Variants in NLGN1 observed in about 807,000 individuals in gnomAD.
NLGN1 encodes neuroligin 1, also known as neuroligin-1.
A neutral mutation model predicts 65.5 loss-of-function variants in NLGN1; 12 were observed. The ratio of observed to expected loss-of-function variants is 0.18; its 90% confidence interval spans 0.12 to 0.30. The LOEUF (loss-of-function observed/expected upper bound fraction) is 0.30, where lower values mean the gene tolerates loss of function less well. Among genes scored for constraint, NLGN1 ranks in the 10% least tolerant of loss-of-function variants. The pLI is 1.00. For synonymous variants in NLGN1, 350 were observed against 359.5 expected (o/e 0.97, Z 0.30); for missense variants, 750 against 1,007.1 (o/e 0.74, Z 3.46).
At chr3:174,260,080 A>G (rs1432833417) in intron 4 of NLGN1, among the ~76,000 whole-genome samples, 1 of 151,888 alleles carries the variant, frequency 6.6e-6, no homozygotes, top group Non-Finnish European at 1.5e-5. Flanking sequence ...AATCCAGTCT[A>G]TCATTGTTGG....
chr3:173,620,960 A>G lies in NLGN1; in HGVS notation c.493+15869A>G, dbSNP rs542533583. On this transcript the variant is annotated intron_variant, in intron 3 of 6. Transcript: ENST00000457714. ...TGTATAAATGACTAGACAAATGAAC[A>G]TAAGTTTTCAGAACACTGGTAAGTC... 3.9e-5 allele frequency among the ~76,000 whole-genome samples: 6 copies of G among 152,314 alleles called. No individual in the cohort carries two copies. The East Asian group carries it at 7.7e-4, about 20-fold the overall frequency.
intron 4 of NLGN1, among the ~76,000 whole-genome samples, chr3:174,170,500 C>T: frequency 6.6e-6 from 1 of 152,152 alleles, no homozygotes; most frequent in Non-Finnish European, 1.5e-5. Context: ...AAAGAAAGTA[C>T]TTCAAACAGT....
chr3:173,605,741 G>A (rs1368481388), intron 3 of NLGN1, 148 bp downstream of exon 3: 2 of 389,116 alleles, frequency 5.1e-6, no homozygotes, highest in Non-Finnish European at 9.9e-6. Context: ...GAATATAAAG[G>A]TGTTTAAGGA....
chr3:173,415,018 G>A (rs1713388298), intron 1 of NLGN1, among the ~76,000 whole-genome samples: 1 of 152,236 alleles, frequency 6.6e-6, no homozygotes, highest in Non-Finnish European at 1.5e-5. Context: ...GGGCTATCAA[G>A]GAGGCAACTG....
chr3:173,497,822 A>G (rs556980711), intron 2 of NLGN1, among the ~76,000 whole-genome samples: 6 of 152,052 alleles, frequency 3.9e-5, no homozygotes, highest in African/African-American at 9.7e-5. Flanking sequence ...AATTATCTTT[A>G]TTGACTATGA....
At chr3:174,111,137 A>G (rs939918360) in intron 4 of NLGN1, among the ~76,000 whole-genome samples, 8 of 151,968 alleles carry the variant, frequency 5.3e-5, no homozygotes. Flanking sequence ...TTTCATAACT[A>G]TTAGATTTTA....
At chr3:173,735,987 T>A (rs1293612403) in intron 3 of NLGN1, among the ~76,000 whole-genome samples, 1 of 152,104 alleles carries the variant, frequency 6.6e-6, no homozygotes, top group Non-Finnish European at 1.5e-5. Flanking sequence ...TTTTGGTTTT[T>A]GGAGTAGCTC....
intron 4 of NLGN1, among the ~76,000 whole-genome samples, chr3:173,998,085 C>T (rs1046791174): frequency 1.3e-5 from 2 of 152,146 alleles, no homozygotes; most frequent in African/African-American, 4.8e-5. Flanking sequence ...TCCTGGCAGG[C>T]CCTCTTGTTC....
chr3:174,025,394 A>G (rs1728640720), intron 4 of NLGN1, among the ~76,000 whole-genome samples: 1 of 152,176 alleles, frequency 6.6e-6, no homozygotes, highest in Admixed American at 6.6e-5. Flanking sequence ...AAAATATTCT[A>G]TTCAATTAAG....
intron 4 of NLGN1, among the ~76,000 whole-genome samples, chr3:174,143,981 T>C (rs986042519): frequency 5.3e-5 from 8 of 152,172 alleles, no homozygotes; most frequent in African/African-American, 9.7e-5. Flanking sequence ...GTTTGTTACA[T>C]AGGTATACAC....
At chr3:173,827,627 A>ATG (rs1179875893) in intron 4 of NLGN1, among the ~76,000 whole-genome samples, 3 of 71,798 alleles carry the variant, frequency 4.2e-5, no homozygotes, top group Non-Finnish European at 5.5e-5. Context: ...TATATTTATG[A>ATG]TATGTGTGTG....
chr3:173,926,328 A>G (rs1172867267), intron 4 of NLGN1, among the ~76,000 whole-genome samples: 4 of 152,112 alleles, frequency 2.6e-5, no homozygotes, highest in African/African-American at 4.8e-5. Context: ...AATCTCAAAA[A>G]CGTCTAAGTC....
rs779465997 is a variant in NLGN1, at chr3:173,605,134, T to A, written c.493+43T>A. On this transcript the variant is annotated intron_variant, in intron 3 of 6. Transcript: ENST00000457714. ...AAAACAGGGAGATATATTTATATAT[T>A]TTTTCTATTCTAAGTTCTAACAATA... 4 of 1,477,444 alleles carry A rather than the reference T, an allele frequency of 2.7e-6. No homozygotes were observed. In the South Asian group the frequency reaches 5.5e-5, roughly 20 times the overall value. 91.5% of individuals were successfully genotyped at this position (1,477,444 alleles called of 1,614,324 possible).
At chr3:173,714,978 T>C (rs1769604698) in intron 3 of NLGN1, among the ~76,000 whole-genome samples, 1 of 152,150 alleles carries the variant, frequency 6.6e-6, no homozygotes, top group Middle Eastern at 3.4e-3. Context: ...CCTTTTGATA[T>C]AACATAAAGA....
At chr3:173,420,974 T>C (rs184957540) in intron 1 of NLGN1, among the ~76,000 whole-genome samples, 1 of 152,220 alleles carries the variant, frequency 6.6e-6, no homozygotes, top group African/African-American at 2.4e-5. Flanking sequence ...TATCAGGTAG[T>C]ACAAGCCCTG....
At chr3:173,408,655 G>A (rs1284240002) in intron 1 of NLGN1, among the ~76,000 whole-genome samples, 1 of 152,218 alleles carries the variant, frequency 6.6e-6, no homozygotes, top group African/African-American at 2.4e-5. Flanking sequence ...GCTCACGCCT[G>A]TAATCCCAGC....
chr3:173,900,156 C>T (rs970901780), intron 4 of NLGN1, among the ~76,000 whole-genome samples: 1 of 152,070 alleles, frequency 6.6e-6, no homozygotes, highest in Admixed American at 6.6e-5. Context: ...ATAAAAAGAA[C>T]TTATAATTAT....
intron 4 of NLGN1, among the ~76,000 whole-genome samples, chr3:173,985,440 G>A (rs1719678699): frequency 6.6e-6 from 1 of 152,094 alleles, no homozygotes; most frequent in Non-Finnish European, 1.5e-5. Context: ...CTTGGTAGCA[G>A]GAACCCATTC....
intron 3 of NLGN1, among the ~76,000 whole-genome samples, chr3:173,696,947 A>G (rs1212954013): frequency 1.3e-5 from 2 of 152,194 alleles, no homozygotes; most frequent in Non-Finnish European, 2.9e-5. Flanking sequence ...TCAGATTTTT[A>G]TGAAGAAAAA....
Sources: allele counts gnomAD v4.1 joint callset (sites outside exome capture counted in the v4.1 genomes callset), GRCh38; gene constraint gnomAD v4.1.1; transcripts MANE v1.5; gene names NCBI Gene and HGNC (gene_info 2026-07-23, HGNC 2026-07-21).